Variants in HS6ST2 observed in about 807,000 individuals in gnomAD.
HS6ST2 encodes heparan-sulfate 6-O-sulfotransferase 2.
A neutral mutation model predicts 33.0 loss-of-function variants in HS6ST2; 17 were observed. That is an observed-to-expected ratio of 0.52 (90% CI 0.35 to 0.77). HS6ST2 has a LOEUF of 0.77. Among genes scored for constraint, HS6ST2 ranks in the 30% least tolerant of loss-of-function variants. The pLI is 0.01. For synonymous variants in HS6ST2, 248 were observed against 237.1 expected (o/e 1.05, Z -0.42); for missense variants, 519 against 551.7 (o/e 0.94, Z 0.59).
At chrX:132,903,510 T>G (rs376829775) in intron 2 of HS6ST2, among the ~76,000 whole-genome samples, 3 of 111,566 alleles carry the variant, frequency 2.7e-5, no homozygotes, top group African/African-American at 9.8e-5. Flanking sequence ...CAGAACAAAG[T>G]TGGAGGACTC....
At chrX:132,640,204 CG>C in intron 4 of HS6ST2, among the ~76,000 whole-genome samples, 1 of 107,109 alleles carries the variant, frequency 9.3e-6, no homozygotes, top group East Asian at 2.9e-4. Context: ...TTGGAGGGGG[CG>C]GGGGCAGATA....
At position 132,728,601 on chromosome X, in the gene HS6ST2, A is replaced by G. The variant is rs527415867; in HGVS notation, c.948-20107T>C. ...CCCAGCAGAAGGCTGAGGAGAGAAC[A>G]TTCTCGGCTATAAGAGCCAAGCCTA... is the stretch of plus-strand genomic sequence containing the variant. On this transcript the variant is annotated intron_variant, in intron 2 of 4. Transcript: ENST00000370833. Among the ~76,000 whole-genome samples the G allele has an allele frequency of 9.8e-5, 11 of 112,294 alleles. No individual in the cohort carries two copies. In the South Asian group the frequency reaches 4.2e-3, roughly 43 times the overall value.
intron 3 of HS6ST2, among the ~76,000 whole-genome samples, chrX:132,682,321 G>A (rs776829812): frequency 4.9e-4 from 55 of 112,346 alleles, no homozygotes; most frequent in Non-Finnish European, 9.8e-4. Flanking sequence ...CTTCACTGGG[G>A]CTCAAGAACG....
intron 2 of HS6ST2, among the ~76,000 whole-genome samples, chrX:132,938,640 AAAT>A (rs754088125): frequency 1.8e-5 from 2 of 109,779 alleles, no homozygotes; most frequent in African/African-American, 3.3e-5. Context: ...ACCTTGTCTC[AAAT>A]AATAATAATA....
chrX:132,873,408 C>G (rs777653087), intron 2 of HS6ST2, among the ~76,000 whole-genome samples: 90 of 111,855 alleles, frequency 8.0e-4, no homozygotes, highest in Non-Finnish European at 1.6e-3. Flanking sequence ...AGCCCTCCTT[C>G]CCAGCAATTT....
intron 2 of HS6ST2, among the ~76,000 whole-genome samples, chrX:132,845,359 C>G (rs2065742661): frequency 9.0e-6 from 1 of 110,675 alleles, no homozygotes; most frequent in South Asian, 3.8e-4. Flanking sequence ...TTTCTAACAT[C>G]TCTATGTATG....
intron 2 of HS6ST2, among the ~76,000 whole-genome samples, chrX:132,953,687 T>C (rs2067039096): frequency 8.9e-6 from 1 of 112,166 alleles, no homozygotes; most frequent in African/African-American, 3.2e-5. Context: ...AAGACCCCTC[T>C]GCAATCTAGC....
At chrX:132,634,923 C>T (rs1188638667) in intron 4 of HS6ST2, among the ~76,000 whole-genome samples, 1 of 111,444 alleles carries the variant, frequency 9.0e-6, no homozygotes, top group Non-Finnish European at 1.9e-5. Flanking sequence ...GACTCATTCA[C>T]CCAGGCAGCT....
intron 2 of HS6ST2, among the ~76,000 whole-genome samples, chrX:132,842,726 C>T (rs145810255): frequency 1.8e-5 from 2 of 111,274 alleles, no homozygotes; most frequent in Admixed American, 1.9e-4. Flanking sequence ...GAGATAGATC[C>T]TGGTGACTCT....
chrX:132,818,506 T>C (rs1053276560), intron 2 of HS6ST2, among the ~76,000 whole-genome samples: 2 of 111,198 alleles, frequency 1.8e-5, no homozygotes, highest in African/African-American at 6.6e-5. Flanking sequence ...AGAATGATGA[T>C]CAGGAAGGAA....
chrX:132,907,107 T>C (rs1404026349), intron 2 of HS6ST2, among the ~76,000 whole-genome samples: 1 of 112,467 alleles, frequency 8.9e-6, no homozygotes, highest in Non-Finnish European at 1.9e-5. Context: ...AGCACCACAT[T>C]TCTTGTACTG....
intron 4 of HS6ST2, among the ~76,000 whole-genome samples, chrX:132,633,197 A>G (rs1250485258): frequency 2.7e-5 from 3 of 110,364 alleles, no homozygotes; most frequent in Admixed American, 9.8e-5. Flanking sequence ...ACGTGCATCA[A>G]AAAACCTCCC....
intron 2 of HS6ST2, among the ~76,000 whole-genome samples, chrX:132,837,239 A>C (rs1305042630): frequency 8.9e-6 from 1 of 111,879 alleles, no homozygotes; most frequent in Non-Finnish European, 1.9e-5. Flanking sequence ...CCAATGACTC[A>C]TTACCCAGGG....
intron 2 of HS6ST2, among the ~76,000 whole-genome samples, chrX:132,953,368 C>T (rs2067035488): frequency 9.0e-6 from 1 of 111,478 alleles, no homozygotes; most frequent in Admixed American, 9.5e-5. Flanking sequence ...CAAGCTCTCT[C>T]TCTCTCTCTC....
intron 2 of HS6ST2, among the ~76,000 whole-genome samples, chrX:132,883,770 C>A (rs954383945): frequency 2.2e-4 from 25 of 111,502 alleles, no homozygotes; most frequent in African/African-American, 7.8e-4. Flanking sequence ...GCTGTCTTAA[C>A]TGACACCGTC....
chrX:132,774,782 G>A (rs1404146011), intron 2 of HS6ST2, among the ~76,000 whole-genome samples: 5 of 110,660 alleles, frequency 4.5e-5, no homozygotes, highest in African/African-American at 6.6e-5. Context: ...CTGAGTTCAA[G>A]TGATTCTCCT....
At chrX:132,768,346 A>AC (rs1311161588) in intron 2 of HS6ST2, among the ~76,000 whole-genome samples, 2 of 108,365 alleles carry the variant, frequency 1.8e-5, no homozygotes, top group African/African-American at 6.7e-5. Flanking sequence ...AAAAAAAAAA[A>AC]AAAAAAAAAC....
chrX:132,848,243 T>C (rs1386412284), intron 2 of HS6ST2, among the ~76,000 whole-genome samples: 1 of 111,689 alleles, frequency 9.0e-6, no homozygotes, highest in Non-Finnish European at 1.9e-5. Context: ...TGAAAAAATA[T>C]GGCTTGTCTG....
At chrX:132,929,245 T>C (rs936823336) in intron 2 of HS6ST2, among the ~76,000 whole-genome samples, 12 of 110,669 alleles carry the variant, frequency 1.1e-4, no homozygotes, top group African/African-American at 3.6e-4. Flanking sequence ...AAAACAGAAA[T>C]AGGTGAACTA....
Sources: allele counts gnomAD v4.1 joint callset (sites outside exome capture counted in the v4.1 genomes callset), GRCh38; gene constraint gnomAD v4.1.1; transcripts MANE v1.5; gene names NCBI Gene and HGNC (gene_info 2026-07-23, HGNC 2026-07-21).